The following TDRD10 variants were observed in gnomAD, a reference collection of about 807,000 sequenced individuals.
The protein encoded by TDRD10 is tudor domain-containing protein 10.
TDRD10 carries 40 observed loss-of-function variants against 48.0 expected under a neutral mutation model. The observed-to-expected ratio is 0.83, with a 90% confidence interval of 0.65 to 1.09. The LOEUF (loss-of-function observed/expected upper bound fraction) is 1.09. Ranked by LOEUF, TDRD10 falls within the 50% of genes least tolerant of loss-of-function variation. The pLI is 0.00. For missense variants in TDRD10, 378 were observed against 434.7 expected (o/e 0.87, Z 1.16); for synonymous variants, 162 against 170.4 (o/e 0.95, Z 0.38).
Position 154,547,498 on chromosome 1 carries a change from A to G in TDRD10, c.1023+19A>G, listed in dbSNP as rs1294414551. On this transcript the variant is annotated intron_variant, in intron 12 of 12. Coordinates refer to ENST00000368482, the MANE Select transcript of TDRD10 (RefSeq NM_182499.4). Reference sequence around the variant, plus strand: ...CTCGGCGGTAACTGCTCCTGCATCTAACTTGGCTGTTGTCCCTCCACTCCT... The same window carrying G: ...CTCGGCGGTAACTGCTCCTGCATCTGACTTGGCTGTTGTCCCTCCACTCCT... 6.2e-7 allele frequency: 1 copy of G among 1,614,196 alleles called. No homozygotes were observed. The highest frequency in any genetic ancestry group is 8.5e-7 in the Non-Finnish European group (1 of 1,180,040).
chr1:154,530,887 C>T lies in TDRD10; in HGVS notation c.369+9408C>T, dbSNP rs889990814. Among the ~76,000 whole-genome samples, 7 of 146,050 alleles carry T rather than the reference C, an allele frequency of 4.8e-5. No individual in the cohort carries two copies. In the East Asian group the frequency reaches 7.9e-4, roughly 17 times the overall value. On this transcript the variant is annotated intron_variant, in intron 6 of 12. Transcript: ENST00000368482. ...TTAAATTTTTTTTTTTTTTTTGAGA[C>T]GAGTCTCACTCTGTCACCCAGGCTG...
chr1:154,538,629 G>A (rs549143577), intron 6 of TDRD10, among the ~76,000 whole-genome samples: 19 of 150,756 alleles, frequency 1.3e-4, no homozygotes, highest in African/African-American at 3.6e-4. Context: ...TGAGGCGGGC[G>A]GATCATGAGG....
intron 6 of TDRD10, among the ~76,000 whole-genome samples, chr1:154,540,749 C>T (rs541638584): frequency 8.9e-4 from 135 of 152,170 alleles, no homozygotes; most frequent in Admixed American, 4.3e-3. Flanking sequence ...TACCTAAAAC[C>T]GTTGCACTGG....
chr1:154,543,119 TAAA>T (rs1251063904), intron 8 of TDRD10, among the ~76,000 whole-genome samples: 1 of 151,202 alleles, frequency 6.6e-6, no homozygotes, highest in Non-Finnish European at 1.5e-5. Flanking sequence ...CTACTAAAAA[TAAA>T]AAATTAGCCG....
At chr1:154,517,688 C>T (rs1029897675) in intron 4 of TDRD10, among the ~76,000 whole-genome samples, 3 of 152,140 alleles carry the variant, frequency 2.0e-5, no homozygotes, top group Non-Finnish European at 2.9e-5. Flanking sequence ...TTCCAAAATG[C>T]TAGGATTACA....
At chr1:154,538,982 A>G (rs1003685332) in intron 6 of TDRD10, among the ~76,000 whole-genome samples, 14 of 152,288 alleles carry the variant, frequency 9.2e-5, no homozygotes, top group African/African-American at 3.4e-4. Context: ...TAATTGTTTT[A>G]CCGTATGAAC....
rs778126708 is a variant in TDRD10 at position 154,542,681 on chromosome 1, CCT to C, written c.413-45_413-44del. 8.0e-6 allele frequency: 12 copies of C among 1,505,510 alleles called. No individual in the cohort carries two copies. In the Admixed American group the frequency reaches 2.1e-4, roughly 27 times the overall value. The allele number at this position is 1,505,510 out of a possible 1,614,324, so 93.3% of individuals were successfully genotyped here. On this transcript the variant is annotated intron_variant, in intron 7 of 12. Coordinates refer to ENST00000368482, the MANE Select transcript of TDRD10 (RefSeq NM_182499.4). The stretch of plus-strand genomic sequence containing the variant: ...CCTCTTGTGGGTTAGGGGAGCAATT[CCT>C]CTCTGGGTAGTTCTGGTGCCTCCAG...
chr1:154,530,173 C>T (rs1014245220), intron 6 of TDRD10, among the ~76,000 whole-genome samples: 4 of 151,442 alleles, frequency 2.6e-5, no homozygotes, highest in Non-Finnish European at 5.9e-5. Flanking sequence ...TACCACCATG[C>T]CCGGCTAATT....
chr1:154,512,141 C>T (rs1184226623), intron 4 of TDRD10, among the ~76,000 whole-genome samples: 8 of 152,114 alleles, frequency 5.3e-5, no homozygotes, highest in African/African-American at 1.7e-4. Flanking sequence ...TACTCATTAG[C>T]GGTCCTTTGC....
chr1:154,536,740 C>T (rs1246848985), intron 6 of TDRD10, among the ~76,000 whole-genome samples: 1 of 152,186 alleles, frequency 6.6e-6, no homozygotes, highest in Non-Finnish European at 1.5e-5. Flanking sequence ...TCCAGCGTGT[C>T]CTGTAAATGG....
intron 6 of TDRD10, among the ~76,000 whole-genome samples, chr1:154,536,205 G>A (rs576506581): frequency 5.9e-5 from 9 of 152,194 alleles, no homozygotes; most frequent in East Asian, 5.8e-4. Flanking sequence ...GTGAAACCCC[G>A]TCTCTACTAA....
rs546636178 is a variant in TDRD10, at chr1:154,513,961, G to A, written c.141+5480G>A. Among the ~76,000 whole-genome samples the A allele has an allele frequency of 6.6e-5, 10 of 152,318 alleles. No individual in the cohort carries two copies. The South Asian group carries it at 1.0e-3, about 16-fold the overall frequency. ...TCCTAGCAGTTTGGGAGGCCAAGGCGTGTGGATCACCTGAGGTCAGGAGTT... is the reference window on the plus strand; with the variant it reads ...TCCTAGCAGTTTGGGAGGCCAAGGCATGTGGATCACCTGAGGTCAGGAGTT... On this transcript the variant is annotated intron_variant, in intron 4 of 12. Transcript: ENST00000368482.
chr1:154,516,414 C>G (rs1693772112), intron 4 of TDRD10, among the ~76,000 whole-genome samples: 1 of 151,648 alleles, frequency 6.6e-6, no homozygotes. Context: ...GGGATGAGTA[C>G]AGATATGGGG....
chr1:154,536,379 C>T (rs1432608330), intron 6 of TDRD10, among the ~76,000 whole-genome samples: 1 of 152,168 alleles, frequency 6.6e-6, no homozygotes, highest in East Asian at 1.9e-4. Context: ...TCCATCTTAA[C>T]AAAGTTGCTT....
intron 4 of TDRD10, among the ~76,000 whole-genome samples, chr1:154,513,355 T>C (rs1334459837): frequency 6.6e-6 from 1 of 152,190 alleles, no homozygotes; most frequent in Non-Finnish European, 1.5e-5. Context: ...ACCAATGTAA[T>C]AGCATTTTCA....
chr1:154,509,749 T>C lies in TDRD10; in HGVS notation c.141+1268T>C, dbSNP rs767181128. ...GGCAGGTTGGGGGATTCCTGGCACC[T>C]GATAGACGAGCCTACTAGGGCTGGT... On this transcript the variant is annotated intron_variant, in intron 4 of 12. Transcript: ENST00000368482. 3.2e-6 allele frequency: 3 copies of C among 950,286 alleles called. No individual in the cohort carries two copies. In the East Asian group the frequency reaches 3.5e-4, roughly 110 times the overall value. The allele number at this position is 950,286 out of a possible 1,614,324, so 58.9% of individuals were successfully genotyped here. A position where few individuals can be genotyped will look rare whatever the true frequency, so the allele number is the denominator to read the frequency against.
intron 6 of TDRD10, among the ~76,000 whole-genome samples, chr1:154,532,972 C>G (rs1694719885): frequency 2.0e-5 from 2 of 98,992 alleles, no homozygotes; most frequent in African/African-American, 3.3e-5. Context: ...CTTCTGACAC[C>G]CCCCCCAGTA....
At chr1:154,532,604 G>A (rs950971709) in intron 6 of TDRD10, among the ~76,000 whole-genome samples, 1 of 152,206 alleles carries the variant, frequency 6.6e-6, no homozygotes, top group African/African-American at 2.4e-5. Context: ...AGCGAGCGAG[G>A]GCTGCGAGGG....
At chr1:154,521,245 T>C (rs6684225) in intron 5 of TDRD10, 78 bp from the exon 6 acceptor site, 1,427,948 of 1,451,140 alleles carry the variant, frequency 0.98, 705,404 homozygotes, top group East Asian at 1. Flanking sequence ...CCTTCCAGCT[T>C]GGGCTTGGTG....
Sources: allele counts gnomAD v4.1 joint callset (sites outside exome capture counted in the v4.1 genomes callset), GRCh38; gene constraint gnomAD v4.1.1; transcripts MANE v1.5; gene names NCBI Gene and HGNC (gene_info 2026-07-23, HGNC 2026-07-21).